SARM1: variants seen among roughly 807,000 people sequenced by gnomAD.
SARM1 encodes the protein NAD(+) hydrolase SARM1.
A neutral mutation model predicts 65.1 loss-of-function variants in SARM1; 60 were observed. The ratio of observed to expected loss-of-function variants is 0.92; its 90% CI spans 0.75 to 1.14. The LOEUF (loss-of-function observed/expected upper bound fraction) is 1.14. Among genes scored for constraint, SARM1 ranks in the 50% most tolerant of loss-of-function variants. The pLI is 0.00. For synonymous variants in SARM1, 417 were observed against 465.4 expected (o/e 0.90, Z 1.34); for missense variants, 913 against 1,015.7 (o/e 0.90, Z 1.37).
chr17:28,384,688 C>G lies in SARM1; in HGVS notation c.1302+119C>G. On this transcript the variant is annotated intron_variant, in intron 3 of 8. Transcript: ENST00000585482. This position sits in a 1 kb window ranked among gnomAD's most constrained non-coding sequence, Gnocchi z 4.4. ...CAGGGTCGCTTTTGGGGGCGGGGAG[C>G]CTGTACGCAGCCACCGTTAGGGTCA... The G allele has an allele frequency of 9.6e-6, 12 of 1,246,052 alleles. No homozygotes were observed. In the South Asian group the frequency reaches 1.7e-4, roughly 18 times the overall value. The allele number at this position is 1,246,052 out of a possible 1,614,324, so 77.2% of individuals were successfully genotyped here.
Position 28,388,383 on chromosome 17 carries a change from C to T in SARM1, c.1767C>T (p.Phe589=), listed in dbSNP as rs2068063830. The T allele has an allele frequency of 6.2e-7, 1 of 1,613,864 alleles. No homozygotes were observed. The change falls in exon 7 of 9, where the codon TTC becomes TTT. Residue 589 remains phenylalanine, a synonymous_variant. Coordinates refer to ENST00000585482, the MANE Select transcript of SARM1 (RefSeq NM_015077.4). ...LLKVHLQLHG[F]SVFIDVEKLE... Reference sequence around the variant, plus strand: ...AGGTGCACCTGCAGCTGCATGGCTTCAGTGTCTTCATTGATGTGGAGAAGC... The same window carrying T: ...AGGTGCACCTGCAGCTGCATGGCTTTAGTGTCTTCATTGATGTGGAGAAGC...
chr17:28,379,527 G>A (rs2068010172), intron 1 of SARM1, among the ~76,000 whole-genome samples: 1 of 151,926 alleles, frequency 6.6e-6, no homozygotes, highest in Admixed American at 6.6e-5. Context: ...AGCCAGGATG[G>A]TCTCGAGCTC....
chr17:28,387,236 C>CTTTTCTTTTCT (rs1555586131), intron 5 of SARM1, among the ~76,000 whole-genome samples: 3 of 139,212 alleles, frequency 2.2e-5, no homozygotes, highest in African/African-American at 7.9e-5. Flanking sequence ...CTTTTCTTTT[C>CTTTTCTTTTCT]TTTTTTTTTT....
intron 1 of SARM1, among the ~76,000 whole-genome samples, chr17:28,375,368 C>CA (rs1255311555): frequency 5.6e-3 from 1 of 178 alleles, no homozygotes; most frequent in African/African-American, 0.024. Context: ...GAGGCCCAGG[C>CA]GGGAGATTGC....
rs2068037452 is a variant in SARM1, at chr17:28,384,084, C to A, written c.1090-273C>A. ...GCCTGGCGCTATGCTGAGAGCTCAA[C>A]TTTATTCCAGGGCCGGTGGATGCTG... On this transcript the variant is annotated intron_variant, in intron 2 of 8. Coordinates refer to ENST00000585482, the MANE Select transcript of SARM1 (RefSeq NM_015077.4). The surrounding 1 kb of genome is among the most constrained non-coding windows in gnomAD (Gnocchi z 4.4). Among the ~76,000 whole-genome samples the A allele has an allele frequency of 6.6e-6, 1 of 152,162 alleles. No individual in the cohort carries two copies. The highest frequency in any genetic ancestry group is 1.5e-5 in the Non-Finnish European group (1 of 68,030).
intron 1 of SARM1, among the ~76,000 whole-genome samples, chr17:28,378,800 G>C (rs1258092006): frequency 6.6e-6 from 1 of 152,124 alleles, no homozygotes; most frequent in Non-Finnish European, 1.5e-5. Flanking sequence ...TGGGACTACA[G>C]GCCTGTGCCA....
intron 1 of SARM1, chr17:28,374,128 T>C (rs570373734): frequency 6.8e-6 from 1 of 146,324 alleles, no homozygotes; most frequent in Admixed American, 6.8e-5. Context: ...AATACAAAAA[T>C]TAGCTGGGCA....
In SARM1 at chr17:28,381,785, C is replaced by T. The variant is rs1041969563; in HGVS notation, c.1053C>T (p.Ala351=). 3 of 1,458,990 alleles carry T rather than the reference C, an allele frequency of 2.1e-6. No individual in the cohort carries two copies. Among genetic ancestry groups the T allele is most frequent in the Non-Finnish European group, 9.1e-7 (1 of 1,104,164 alleles). 90.4% of individuals were successfully genotyped at this position (1,458,990 alleles called of 1,614,324 possible). ...AQCIGAFYLC[A]EAAIKSLQGK... is the part of the protein sequence containing the mutation. Reference sequence around the variant, plus strand: ...GCATCGGGGCTTTCTACCTCTGCGCCGAGGCTGCCATCAAGAGCCTGCAAG... The same window carrying T: ...GCATCGGGGCTTTCTACCTCTGCGCTGAGGCTGCCATCAAGAGCCTGCAAG... The change falls in exon 2 of 9, where the codon GCC becomes GCT. Residue 351 remains alanine (A), a synonymous_variant. Transcript: ENST00000585482.
intron 5 of SARM1, 69 bp from the exon 6 acceptor site, chr17:28,388,105 G>A: frequency 8.3e-7 from 1 of 1,203,288 alleles, no homozygotes; most frequent in South Asian, 1.3e-5. Flanking sequence ...AGTCCACAAG[G>A]GATGATATAC....
At chr17:28,374,469 A>G (rs2067978015) in intron 1 of SARM1, among the ~76,000 whole-genome samples, 1 of 151,760 alleles carries the variant, frequency 6.6e-6, no homozygotes, top group South Asian at 2.1e-4. Context: ...CTCGGCAGGC[A>G]GAGGCTGCAG....
chr17:28,376,205 T>C (rs1469308856), intron 1 of SARM1, among the ~76,000 whole-genome samples: 1 of 151,984 alleles, frequency 6.6e-6, no homozygotes, highest in African/African-American at 2.4e-5. Context: ...AGGTCTGAAT[T>C]GATATGTTCC....
chr17:28,385,809 C>G lies in SARM1; in HGVS notation c.1630+534C>G, dbSNP rs2142432336. Among the ~76,000 whole-genome samples, 1 of 152,202 alleles carries G rather than the reference C, an allele frequency of 6.6e-6. No individual in the cohort carries two copies. The highest frequency in any genetic ancestry group is 1.9e-4 in the East Asian group (1 of 5,182). Reference sequence around the variant, plus strand: ...GAGTGAATTCTAGGCCTCTAGCCACCCTCCTTATTTACTAATTTATTTTTA... The same window carrying G: ...GAGTGAATTCTAGGCCTCTAGCCACGCTCCTTATTTACTAATTTATTTTTA... On this transcript the variant is annotated intron_variant, in intron 5 of 8. Coordinates refer to ENST00000585482, the MANE Select transcript of SARM1 (RefSeq NM_015077.4). The surrounding 1 kb of genome is among the most constrained non-coding windows in gnomAD (Gnocchi z 4.5).
intron 7 of SARM1, among the ~76,000 whole-genome samples, chr17:28,391,528 G>A (rs1416459554): frequency 6.6e-6 from 1 of 152,092 alleles, no homozygotes; most frequent in African/African-American, 2.4e-5. Flanking sequence ...AGGGGCACTG[G>A]GGCAGTTGAG....
chr17:28,379,299 CTTTTTTTTTT>C (rs1193480505), intron 1 of SARM1, among the ~76,000 whole-genome samples: 2 of 78,360 alleles, frequency 2.6e-5, no homozygotes, highest in Admixed American at 1.4e-4. Context: ...CCATTTAGAT[CTTTTTTTTTT>C]TTTTTTTTTT....
rs782549886 is a variant in SARM1, at chr17:28,388,420, A to AG, written c.1804_1805insG (p.Lys602ArgfsTer33). On this transcript the variant is annotated frameshift_variant, in exon 7 of 9. Coordinates refer to ENST00000585482, the MANE Select transcript of SARM1 (RefSeq NM_015077.4). LOFTEE classifies it high-confidence loss of function. ...TGATGTGGAGAAGCTGGAAGCAGGC[A>AG]AGTTCGAGGACAAACTCATCCAGAG... 1.2e-6 allele frequency: 2 copies of AG among 1,614,030 alleles called. No individual in the cohort carries two copies. The highest frequency in any genetic ancestry group is 2.2e-5 in the South Asian group (2 of 91,080).
Position 28,372,222 on chromosome 17 carries a change from GC to G in SARM1, c.193del (p.Leu65TrpfsTer15). On this transcript the variant is annotated frameshift_variant, in exon 1 of 9. Coordinates refer to ENST00000585482, the MANE Select transcript of SARM1 (RefSeq NM_015077.4). LOFTEE classifies it high-confidence loss of function. The surrounding 1 kb of genome is among the most constrained non-coding windows in gnomAD (Gnocchi z 5.2). Reference sequence around the variant, plus strand: ...GGGGGCAGGCACCGAGGTGCAGGACGCCCTGGAGCGCGCGCTGCCGGAGCTG... The same window carrying G: ...GGGGGCAGGCACCGAGGTGCAGGACGCCTGGAGCGCGCGCTGCCGGAGCTG... ...SPGAGTEVQDALERALPELQQ... is the reference protein window; with the variant it reads ...SPGAGTEVQDXLERALPELQQ... 1 of 1,385,224 alleles carries G rather than the reference GC, an allele frequency of 7.2e-7. No homozygotes were observed. Among genetic ancestry groups the G allele is most frequent in the Admixed American group, 3.7e-5 (1 of 26,930 alleles). 85.8% of individuals were successfully genotyped at this position (1,385,224 alleles called of 1,614,324 possible).
At position 28,391,282 on chromosome 17, in the gene SARM1, G is replaced by A. The variant is rs567686587; in HGVS notation, c.1923+2743G>A. On this transcript the variant is annotated intron_variant, in intron 7 of 8. Coordinates refer to ENST00000585482, the MANE Select transcript of SARM1 (RefSeq NM_015077.4). Reference sequence around the variant, plus strand: ...CCCATGAATAGCTAGTTACTATAAAGTTAGCAGCACACCACTGGCTGGATA... The same window carrying A: ...CCCATGAATAGCTAGTTACTATAAAATTAGCAGCACACCACTGGCTGGATA... 2.0e-5 allele frequency among the ~76,000 whole-genome samples: 3 copies of A among 152,326 alleles called. No homozygotes were observed. The East Asian group carries it at 5.8e-4, about 29-fold the overall frequency.
In SARM1 at chr17:28,372,290, G is replaced by A. The variant is rs1451526031; in HGVS notation, c.258G>A (p.Arg86=). ...LSALKQAGGA[R]AVGAGLAEVF... ...CGCTGAAGCAGGCGGGCGGCGCGCG[G>A]GCCGTGGGCGCCGGCCTGGCCGAGG... The change falls in exon 1 of 9, where the codon CGG becomes CGA. Residue 86 remains arginine (R), a synonymous_variant. Coordinates refer to ENST00000585482, the MANE Select transcript of SARM1 (RefSeq NM_015077.4). This position sits in a 1 kb window ranked among gnomAD's most constrained non-coding sequence, Gnocchi z 5.2. The A allele has an allele frequency of 2.9e-6, 4 of 1,399,934 alleles. No individual in the cohort carries two copies. The highest frequency in any genetic ancestry group is 3.0e-5 in the African/African-American group (2 of 65,928). The allele number at this position is 1,399,934 out of a possible 1,614,324, so 86.7% of individuals were successfully genotyped here. A position where few individuals can be genotyped will look rare whatever the true frequency, so the allele number is the denominator to read the frequency against.
Position 28,397,257 on chromosome 17 carries a change from A to G in SARM1, c.*971A>G, listed in dbSNP as rs2068138100. The G allele has an allele frequency of 6.6e-6, 1 of 152,556 alleles. No homozygotes were observed. The highest frequency in any genetic ancestry group is 2.4e-5 in the African/African-American group (1 of 41,466). 9.5% of individuals were successfully genotyped at this position (152,556 alleles called of 1,614,324 possible). A position where few individuals can be genotyped will look rare whatever the true frequency, so the allele number is the denominator to read the frequency against. ...GGTTGTCACTTAGGGCAGCTTCTCC[A>G]ACTTTAACATGCATCCAAGTCACCT... On this transcript the variant is annotated 3_prime_UTR_variant, in exon 9 of 9. Coordinates refer to ENST00000585482, the MANE Select transcript of SARM1 (RefSeq NM_015077.4).
Sources: allele counts gnomAD v4.1 joint callset (sites outside exome capture counted in the v4.1 genomes callset), GRCh38; gene constraint gnomAD v4.1.1; non-coding constraint Gnocchi (gnomAD v3.1); transcripts MANE v1.5; gene names NCBI Gene and HGNC (gene_info 2026-07-23, HGNC 2026-07-21).